DIS3L2: variants seen among roughly 807,000 people sequenced by gnomAD.
DIS3L2 encodes DIS3-like exonuclease 2.
In DIS3L2, 34 loss-of-function variants were observed where a neutral mutation model predicts 97.5. The ratio of observed to expected loss-of-function variants is 0.35; its 90% CI spans 0.27 to 0.46. The LOEUF is 0.46. Ranked by LOEUF, DIS3L2 falls within the 20% of genes least tolerant of loss-of-function variation. DIS3L2 has a pLI of 1.00. For synonymous variants in DIS3L2, 435 were observed against 445.2 expected, an observed-to-expected ratio of 0.98 and a Z score of 0.29; for missense variants, 1,038 against 1,146.0, an observed-to-expected ratio of 0.91 and a Z score of 1.36.
At chr2:231,999,707 C>T (rs1352675551) in intron 1 of DIS3L2, among the ~76,000 whole-genome samples, 1 of 152,040 alleles carries the variant, frequency 6.6e-6, no homozygotes, top group East Asian at 1.9e-4. Flanking sequence ...TGTTTTTAGC[C>T]ACAGGATTTG....
intron 5 of DIS3L2, among the ~76,000 whole-genome samples, chr2:232,082,940 A>G (rs148304533): frequency 5.3e-5 from 8 of 152,318 alleles, no homozygotes; most frequent in African/African-American, 1.9e-4. Flanking sequence ...TCGTGGCAGA[A>G]GGTGAAAGGC....
At chr2:232,343,723 G>A (rs913743315) in exon 14 of DIS3L2, 41 of 833,256 alleles carry the variant, frequency 4.9e-5, no homozygotes, top group Middle Eastern at 7.3e-4. Context: ...TCAGAGTTAC[G>A]GAGCTCGCCT....
intron 5 of DIS3L2, among the ~76,000 whole-genome samples, chr2:232,073,764 G>A (rs988703762): frequency 6.6e-6 from 1 of 152,204 alleles, no homozygotes; most frequent in Non-Finnish European, 1.5e-5. Context: ...TTTGAAATAC[G>A]GTATATTGAT....
At chr2:232,278,419 A>G (rs1694201608) in intron 13 of DIS3L2, among the ~76,000 whole-genome samples, 1 of 152,168 alleles carries the variant, frequency 6.6e-6, no homozygotes, top group Non-Finnish European at 1.5e-5. Context: ...CAAGATACAG[A>G]ACAATTCCAT....
rs1330027936 is a variant in DIS3L2 at position 232,263,439 on chromosome 2, A to G, written c.1658A>G (p.Gln553Arg). ...RFVDGALRLD[Q>R]LKLAFTLDHE... Reference sequence around the variant, plus strand: ...GTGGACGGCGCACTTCGTTTGGATCAGGTCAGTACGTGTTTTTTTAGTGTA... The same window carrying G: ...GTGGACGGCGCACTTCGTTTGGATCGGGTCAGTACGTGTTTTTTTAGTGTA... Residue 553 changes from glutamine to arginine, a missense_variant and splice_region_variant, in exon 13 of 21, where the codon CAG (glutamine) becomes CGG (arginine). Physicochemically the swap from Gln to Arg is conservative, Grantham distance 43. Around this residue, in one of 3 missense-constraint regions of DIS3L2, gnomAD observed 813 missense variants for 880.1 expected, o/e 0.92. Transcript: ENST00000325385. 1.2e-6 allele frequency: 2 copies of G among 1,614,138 alleles called. No homozygotes were observed. Among genetic ancestry groups the G allele is most frequent in the South Asian group, 1.1e-5 (1 of 91,074 alleles).
intron 14 of DIS3L2, among the ~76,000 whole-genome samples, chr2:232,317,420 A>G (rs1252282338): frequency 4.6e-5 from 7 of 152,092 alleles, no homozygotes. Context: ...TGTTCCTAAC[A>G]TTCTTCTATT....
At chr2:232,338,628 G>A (rs1278161296), downstream of DIS3L2, among the ~76,000 whole-genome samples, 6 of 151,912 alleles carry the variant, frequency 3.9e-5, no homozygotes, top group Admixed American at 6.6e-5. Flanking sequence ...CCAGGCAGCC[G>A]CCACACCCTA....
intron 7 of DIS3L2, among the ~76,000 whole-genome samples, chr2:232,133,987 C>CAAAAAAAAAAAAAAA (rs60195881): frequency 6.6e-5 from 5 of 76,282 alleles, no homozygotes; most frequent in African/African-American, 3.6e-4. Context: ...GACTCTGTCT[C>CAAAAAAAAAAAAAAA]AAAAAAAAAA....
intron 14 of DIS3L2, among the ~76,000 whole-genome samples, chr2:232,311,044 C>T (rs960578641): frequency 1.3e-5 from 2 of 152,214 alleles, no homozygotes; most frequent in Non-Finnish European, 2.9e-5. Flanking sequence ...TCAGTTGCCT[C>T]GGCAGAGGTT....
At chr2:232,286,739 T>TA (rs375104567) in intron 13 of DIS3L2, among the ~76,000 whole-genome samples, 1 of 152,306 alleles carries the variant, frequency 6.6e-6, no homozygotes, top group East Asian at 1.9e-4. Flanking sequence ...CCCAGCAGCC[T>TA]AAAGAGGCTG....
chr2:232,109,539 A>G (rs1029151055), intron 6 of DIS3L2, among the ~76,000 whole-genome samples: 2 of 152,214 alleles, frequency 1.3e-5, no homozygotes. Context: ...GACACAGACC[A>G]ATGGACCAGA....
intron 1 of DIS3L2, among the ~76,000 whole-genome samples, chr2:231,962,148 A>T (rs1381319819): frequency 6.6e-6 from 1 of 152,060 alleles, no homozygotes; most frequent in Non-Finnish European, 1.5e-5. Flanking sequence ...CTTGATCGAG[A>T]TGTTCAGGAC....
chr2:232,131,943 C>CAAAAAA (rs33952490), intron 7 of DIS3L2: 4 of 36,440 alleles, frequency 1.1e-4, no homozygotes, highest in Non-Finnish European at 1.4e-4. Context: ...TGGCTTTCAG[C>CAAAAAA]AAAAAAAAAA....
At chr2:232,076,020 C>T (rs1273843416) in intron 5 of DIS3L2, among the ~76,000 whole-genome samples, 1 of 152,186 alleles carries the variant, frequency 6.6e-6, no homozygotes, top group Non-Finnish European at 1.5e-5. Flanking sequence ...ATGACTCAAG[C>T]CAGTTGTGTT....
At chr2:232,247,769 A>G (rs1048130975) in intron 11 of DIS3L2, among the ~76,000 whole-genome samples, 1 of 152,128 alleles carries the variant, frequency 6.6e-6, no homozygotes, top group Non-Finnish European at 1.5e-5. Context: ...ACAGGTGAAG[A>G]TGTATCATTT....
intron 6 of DIS3L2, among the ~76,000 whole-genome samples, chr2:232,114,789 A>G (rs1019609849): frequency 6.6e-6 from 1 of 152,164 alleles, no homozygotes; most frequent in Admixed American, 6.6e-5. Flanking sequence ...CCTAGAAGAA[A>G]AGTATCTGGA....
intron 9 of DIS3L2, among the ~76,000 whole-genome samples, chr2:232,207,350 C>G (rs1692054925): frequency 6.6e-6 from 1 of 152,186 alleles, no homozygotes; most frequent in Admixed American, 6.5e-5. Context: ...GGTGCCAGGT[C>G]TGATTTCACC....
intron 13 of DIS3L2, among the ~76,000 whole-genome samples, chr2:232,282,856 A>G (rs918564180): frequency 6.6e-6 from 1 of 152,158 alleles, no homozygotes; most frequent in Non-Finnish European, 1.5e-5. Flanking sequence ...CCCCTGGTGA[A>G]TCTGGCGTGG....
At chr2:232,073,808 TCAAA>T (rs1346269489) in intron 5 of DIS3L2, among the ~76,000 whole-genome samples, 2 of 152,228 alleles carry the variant, frequency 1.3e-5, no homozygotes, top group Non-Finnish European at 2.9e-5. Flanking sequence ...CTAATGCACA[TCAAA>T]CAGTTTTGAA....
Sources: allele counts gnomAD v4.1 joint callset (sites outside exome capture counted in the v4.1 genomes callset), GRCh38; gene constraint gnomAD v4.1.1; regional missense constraint gnomAD v4.1.1; transcripts MANE v1.5; gene names NCBI Gene and HGNC (gene_info 2026-07-23, HGNC 2026-07-21).